EPHX2: variants seen among roughly 807,000 people sequenced by gnomAD.
EPHX2 encodes bifunctional epoxide hydrolase 2.
Under a neutral mutation model 78.7 loss-of-function variants are expected in EPHX2, and 74 were observed. That is an observed-to-expected ratio of 0.94 (90% CI 0.78 to 1.14). EPHX2 has a LOEUF of 1.14. Among genes scored for constraint, EPHX2 ranks in the 50% most tolerant of loss-of-function variants. EPHX2 has a pLI of 0.00. For synonymous variants in EPHX2, 251 were observed against 255.2 expected (o/e 0.98, Z 0.16); for missense variants, 715 against 702.5 (o/e 1.02, Z -0.20).
chr8:27,509,703 G>C (rs1814162616), intron 5 of EPHX2, among the ~76,000 whole-genome samples: 1 of 152,138 alleles, frequency 6.6e-6, no homozygotes, highest in Admixed American at 6.5e-5. Context: ...AAATGTTTGA[G>C]GAAATGCTGT....
chr8:27,513,671 G>GA (rs1814338593), intron 6 of EPHX2, among the ~76,000 whole-genome samples: 2 of 147,986 alleles, frequency 1.4e-5, no homozygotes, highest in South Asian at 2.1e-4. Context: ...TCTTAACACA[G>GA]AAAAAAAATG....
chr8:27,535,269 C>G (rs185079502), intron 12 of EPHX2, among the ~76,000 whole-genome samples: 1 of 152,002 alleles, frequency 6.6e-6, no homozygotes, highest in Non-Finnish European at 1.5e-5. Flanking sequence ...CTCTGCCTCC[C>G]GGGTCCAAGT....
At chr8:27,547,612 C>T (rs1194767147), downstream of EPHX2, among the ~76,000 whole-genome samples, 29 of 152,168 alleles carry the variant, frequency 1.9e-4, no homozygotes, top group Admixed American at 1.9e-3. Context: ...TCATTGTTGA[C>T]TGTAGTCATT....
At chr8:27,538,893 G>A (rs1192238660) in intron 14 of EPHX2, 2 of 597,024 alleles carry the variant, frequency 3.3e-6, no homozygotes, top group Non-Finnish European at 6.0e-6. Context: ...ACCCTCTAGG[G>A]AGCTGTGGCT....
chr8:27,526,759 ATTTTT>A (rs928046298), intron 12 of EPHX2, among the ~76,000 whole-genome samples: 3 of 151,404 alleles, frequency 2.0e-5, no homozygotes, highest in Non-Finnish European at 4.4e-5. Flanking sequence ...ATTAAAAAAA[ATTTTT>A]TTTGAGACAG....
chr8:27,506,870 A>G lies in EPHX2; in HGVS notation c.538-2A>G, dbSNP rs746239730. The G allele has an allele frequency of 5.0e-6, 8 of 1,613,750 alleles. No homozygotes were observed. Among genetic ancestry groups the G allele is most frequent in the Non-Finnish European group, 6.8e-6 (8 of 1,179,858 alleles). ...GATTCTCCCATGCTGTTTTGGGCTC[A>G]GGTCGTTTTTTTGGATGACATCGGG... On this transcript the variant is annotated splice_acceptor_variant, in intron 4 of 18. Coordinates refer to ENST00000521400, the MANE Select transcript of EPHX2 (RefSeq NM_001979.6). LOFTEE classifies it high-confidence loss of function.
rs372453747 is a variant in EPHX2 at position 27,528,278 on chromosome 8, G to A, written c.1170+2805G>A. On this transcript the variant is annotated intron_variant, in intron 12 of 18. Transcript: ENST00000521400. Reference sequence around the variant, plus strand: ...GGACAGTTTTGTTCTTAAGAACAAAGCGCCTTGGCAGGGAAATGTTAGATA... The same window carrying A: ...GGACAGTTTTGTTCTTAAGAACAAAACGCCTTGGCAGGGAAATGTTAGATA... Among the ~76,000 whole-genome samples the A allele has an allele frequency of 8.5e-5, 13 of 152,318 alleles. No individual in the cohort carries two copies. The East Asian group carries it at 2.5e-3, about 29-fold the overall frequency.
intron 11 of EPHX2, among the ~76,000 whole-genome samples, chr8:27,525,068 CTGTGTG>C (rs56963159): frequency 0.023 from 3,050 of 131,106 alleles, 98 homozygotes; most frequent in African/African-American, 0.065. Flanking sequence ...AGTATGTGTA[CTGTGTG>C]TGTGTGTGTG....
intron 12 of EPHX2, among the ~76,000 whole-genome samples, chr8:27,529,625 CA>C (rs796592082): frequency 1.3e-5 from 2 of 148,976 alleles, no homozygotes; most frequent in South Asian, 2.1e-4. Flanking sequence ...AGATTTCAGG[CA>C]AAAAAAAATG....
chr8:27,543,006 T>TCCCCCCC (rs60846123), intron 16 of EPHX2, among the ~76,000 whole-genome samples: 151 of 99,688 alleles, frequency 1.5e-3, no homozygotes, highest in South Asian at 2.9e-3. Context: ...TCCCATCCTC[T>TCCCCCCC]CCCCCCCCCG....
rs557097241 is a variant in EPHX2, at chr8:27,526,822, T to C, written c.1170+1349T>C. ...TGGAGTGCAGTGGTGTGATCATAGC[T>C]CACTGCAGCCCCGACCTCTCCAGGC... On this transcript the variant is annotated intron_variant, in intron 12 of 18. Transcript: ENST00000521400. 3.9e-5 allele frequency among the ~76,000 whole-genome samples: 6 copies of C among 152,178 alleles called. No individual in the cohort carries two copies. The South Asian group carries it at 1.2e-3, about 32-fold the overall frequency.
intron 9 of EPHX2, among the ~76,000 whole-genome samples, chr8:27,518,617 G>A (rs764882749): frequency 1.2e-4 from 18 of 152,328 alleles, no homozygotes; most frequent in Non-Finnish European, 2.2e-4. Flanking sequence ...AAAGCTGGGG[G>A]AGCCCAGGGG....
intron 12 of EPHX2, among the ~76,000 whole-genome samples, chr8:27,530,476 G>A (rs1814998683): frequency 6.6e-6 from 1 of 152,050 alleles, no homozygotes; most frequent in African/African-American, 2.4e-5. Context: ...AAATATATGT[G>A]TGTATGAGCA....
chr8:27,546,146 G>T (rs896717044), downstream of EPHX2, among the ~76,000 whole-genome samples: 6 of 144,990 alleles, frequency 4.1e-5, no homozygotes, highest in African/African-American at 1.3e-4. Context: ...AAAAAAAAAA[G>T]AGAAGTTCTC....
At chr8:27,528,715 A>G (rs1267919252) in intron 12 of EPHX2, among the ~76,000 whole-genome samples, 2 of 152,186 alleles carry the variant, frequency 1.3e-5, no homozygotes, top group East Asian at 1.9e-4. Context: ...CCCTAGGAGC[A>G]CTGAGGCTGT....
At chr8:27,507,904 G>A (rs1398228450) in intron 5 of EPHX2, among the ~76,000 whole-genome samples, 1 of 152,044 alleles carries the variant, frequency 6.6e-6, no homozygotes, top group East Asian at 1.9e-4. Flanking sequence ...CTCCTTTTAT[G>A]AGGATACCCG....
chr8:27,531,578 G>A (rs1308523090), intron 12 of EPHX2, among the ~76,000 whole-genome samples: 1 of 152,194 alleles, frequency 6.6e-6, no homozygotes, highest in Non-Finnish European at 1.5e-5. Context: ...GACGGAGCAT[G>A]AAACAGAGTC....
Position 27,491,244 on chromosome 8 carries a change from G to T in EPHX2, c.36G>T (p.Gly12=). 1 of 1,585,460 alleles carries T rather than the reference G, an allele frequency of 6.3e-7. No homozygotes were observed. Among genetic ancestry groups the T allele is most frequent in the Non-Finnish European group, 8.5e-7 (1 of 1,174,524 alleles). Residue 12 remains glycine (G), a synonymous_variant, in exon 1 of 19, where the codon GGG becomes GGT. Transcript: ENST00000521400. The part of the protein sequence containing the change: ...TLRAAVFDLD[G]VLALPAVFGV... ...GCGCGGCCGTCTTCGACCTTGACGG[G>T]GTGCTGGCGCTGCCAGCGGTGTTCG...
In EPHX2 at chr8:27,544,638, G is replaced by A. The variant is rs1309448418; in HGVS notation, c.*116G>A. 7 of 1,042,880 alleles carry A rather than the reference G, an allele frequency of 6.7e-6. No homozygotes were observed. In the East Asian group the frequency reaches 1.7e-4, roughly 25 times the overall value. The allele number at this position is 1,042,880 out of a possible 1,614,324, so 64.6% of individuals were successfully genotyped here. A position where few individuals can be genotyped will look rare whatever the true frequency, so the allele number is the denominator to read the frequency against. ...CTTGCATGGATGGCAGCATTGTTCTGAAGGGGTTTGCAGAAAAAAAAGATT... is the reference window on the plus strand; with the variant it reads ...CTTGCATGGATGGCAGCATTGTTCTAAAGGGGTTTGCAGAAAAAAAAGATT... On this transcript the variant is annotated 3_prime_UTR_variant, in exon 19 of 19. Transcript: ENST00000521400.
Sources: gnomAD v4.1 joint callset for allele counts (sites outside exome capture counted in the v4.1 genomes callset) on GRCh38, gnomAD v4.1.1 for gene constraint, MANE v1.5 for transcripts, NCBI Gene and HGNC (gene_info 2026-07-23, HGNC 2026-07-21) for gene names.